Variants in PSD2 observed in about 807,000 individuals in gnomAD.
PSD2 encodes the protein PH and SEC7 domain-containing protein 2.
Under a neutral mutation model 69.8 loss-of-function variants are expected in PSD2, and 38 were observed. The ratio of observed to expected loss-of-function variants is 0.54; its 90% CI spans 0.42 to 0.71. PSD2 has a LOEUF of 0.71. PSD2 is among the 30% of genes least tolerant of loss of function. The probability of loss-of-function intolerance (pLI) is 0.00; values close to 1 mark genes in which losing one functional copy is unlikely to be tolerated. For synonymous variants in PSD2, 412 were observed against 423.0 expected, an observed-to-expected ratio of 0.97 and a Z score of 0.32; for missense variants, 943 against 1,014.5, an observed-to-expected ratio of 0.93 and a Z score of 0.96.
chr5:139,790,387 A>C, the PSD2 span, among the ~76,000 whole-genome samples: 1 of 151,994 alleles, frequency 6.6e-6, no homozygotes, highest in Non-Finnish European at 1.5e-5. Context: ...GGAGAATCAC[A>C]CACCGAGAAG....
At chr5:139,763,587 C>T in the PSD2 span, among the ~76,000 whole-genome samples, 7 of 152,350 alleles carry the variant, frequency 4.6e-5, no homozygotes, top group East Asian at 1.3e-3. Context: ...GCCAGCCCCT[C>T]ACCCCCAGGG....
the PSD2 span, among the ~76,000 whole-genome samples, chr5:139,789,944 G>A: frequency 2.0e-5 from 3 of 152,202 alleles, no homozygotes; most frequent in Admixed American, 6.5e-5. Flanking sequence ...AGGGGTGGGC[G>A]GTGCGGATAC....
the PSD2 span, among the ~76,000 whole-genome samples, chr5:139,764,657 C>T: frequency 6.6e-6 from 1 of 152,284 alleles, no homozygotes; most frequent in African/African-American, 2.4e-5. Context: ...CAGCCCCTCC[C>T]GGCCCAGCAG....
In PSD2 at chr5:139,837,314, G is replaced by C. The variant is rs1053538977; in HGVS notation, c.1665+76G>C. On this transcript the variant is annotated intron_variant, in intron 11 of 14. Transcript: ENST00000274710. The surrounding 1 kb of genome is among the most constrained non-coding windows in gnomAD (Gnocchi z 5.0). Reference sequence around the variant, plus strand: ...TCCCGCCCTGGCCTTGTGGCACCCCGAAGCCCCAGGCAGGACCTGGGGCTC... The same window carrying C: ...TCCCGCCCTGGCCTTGTGGCACCCCCAAGCCCCAGGCAGGACCTGGGGCTC... 2.4e-6 allele frequency: 3 copies of C among 1,252,446 alleles called. No homozygotes were observed. The highest frequency in any genetic ancestry group is 6.9e-5 in the African/African-American group (2 of 29,164). 77.6% of individuals were successfully genotyped at this position (1,252,446 alleles called of 1,614,324 possible). A position where few individuals can be genotyped will look rare whatever the true frequency, so the allele number is the denominator to read the frequency against.
At chr5:139,835,527 C>A (rs1760694290) in intron 8 of PSD2, among the ~76,000 whole-genome samples, 196 bp from the exon 9 acceptor site, 1 of 152,184 alleles carries the variant, frequency 6.6e-6, no homozygotes. Context: ...TAAGTGATCA[C>A]ATAATTAAAT....
chr5:139,762,561 C>A, the PSD2 span, among the ~76,000 whole-genome samples: 1 of 152,198 alleles, frequency 6.6e-6, no homozygotes, highest in Non-Finnish European at 1.5e-5. Context: ...CCATGCTGAG[C>A]GCTCAATAAT....
chr5:139,820,181 C>T (rs192734957), intron 5 of PSD2, among the ~76,000 whole-genome samples: 18 of 152,054 alleles, frequency 1.2e-4, no homozygotes, highest in East Asian at 3.9e-4. Context: ...TTGGTGGTGG[C>T]GGCACGGGGT....
the PSD2 span, among the ~76,000 whole-genome samples, chr5:139,749,058 C>T: frequency 6.6e-6 from 1 of 152,094 alleles, no homozygotes; most frequent in Non-Finnish European, 1.5e-5. Flanking sequence ...CTTCGTCTCC[C>T]CAGGGTAAGT....
intron 2 of PSD2, among the ~76,000 whole-genome samples, chr5:139,810,832 C>T (rs140687085): frequency 1.4e-3 from 213 of 152,114 alleles, no homozygotes; most frequent in Admixed American, 5.2e-3. Context: ...TAGAGCACAC[C>T]GTATTGAGGT....
At chr5:139,833,022 C>A (rs151033147) in intron 7 of PSD2, among the ~76,000 whole-genome samples, 2 of 152,196 alleles carry the variant, frequency 1.3e-5, no homozygotes, top group Non-Finnish European at 2.9e-5. Context: ...ACTTGTGTGT[C>A]CATGGCAATT....
the PSD2 span, among the ~76,000 whole-genome samples, chr5:139,765,938 G>A: frequency 8.5e-5 from 13 of 152,350 alleles, no homozygotes; most frequent in African/African-American, 2.6e-4. Context: ...CTGGCCCGGG[G>A]TGGTGCGTTC....
intron 7 of PSD2, among the ~76,000 whole-genome samples, chr5:139,823,663 C>T (rs1242581566): frequency 1.3e-5 from 2 of 152,210 alleles, no homozygotes; most frequent in African/African-American, 4.8e-5. Context: ...GAATAATGAT[C>T]TCCCTGCGGT....
chr5:139,780,782 C>A, the PSD2 span, among the ~76,000 whole-genome samples: 1 of 152,162 alleles, frequency 6.6e-6, no homozygotes, highest in Non-Finnish European at 1.5e-5. Context: ...TGAATTCGGC[C>A]TCCAGCCAGT....
the PSD2 span, among the ~76,000 whole-genome samples, chr5:139,754,276 T>A: frequency 6.6e-6 from 1 of 151,598 alleles, no homozygotes; most frequent in Admixed American, 6.6e-5. Flanking sequence ...CAAAAAATTT[T>A]AAAAATTTAG....
At chr5:139,803,387 G>T (rs554104875) in intron 1 of PSD2, among the ~76,000 whole-genome samples, 1 of 152,252 alleles carries the variant, frequency 6.6e-6, no homozygotes, top group Non-Finnish European at 1.5e-5. Flanking sequence ...ACCCCTGGGG[G>T]TAGCCAGCTT....
At chr5:139,793,186 A>G (rs1445240384), upstream of PSD2, among the ~76,000 whole-genome samples, 1 of 152,096 alleles carries the variant, frequency 6.6e-6, no homozygotes, top group Non-Finnish European at 1.5e-5. Flanking sequence ...CAAGTGATCC[A>G]ACCCACTTTG....
rs1170945628 is a variant in PSD2, at chr5:139,809,596, C to T, written c.156C>T (p.Gly52=). ...SLCSPGHERR[G]TPADTEEPTK... ...GCAGCCCAGGGCACGAGCGAAGGGG[C>T]ACCCCAGCGGACACTGAGGAACCCA... Residue 52 remains glycine, a synonymous_variant, in exon 2 of 15, where the codon GGC becomes GGT. Transcript: ENST00000274710. The T allele has an allele frequency of 6.2e-7, 1 of 1,614,142 alleles. No homozygotes were observed. The highest frequency in any genetic ancestry group is 2.2e-5 in the East Asian group (1 of 44,898).
chr5:139,761,008 A>G, the PSD2 span, among the ~76,000 whole-genome samples: 23 of 152,172 alleles, frequency 1.5e-4, no homozygotes, highest in Non-Finnish European at 3.2e-4. Flanking sequence ...TAATAAAAAT[A>G]AATACACAAA....
At chr5:139,771,545 AT>A in the PSD2 span, among the ~76,000 whole-genome samples, 1 of 151,892 alleles carries the variant, frequency 6.6e-6, no homozygotes, top group Non-Finnish European at 1.5e-5. Context: ...CGCCCGGCTA[AT>A]TTTTTGTATT....
Sources: gnomAD v4.1 joint callset for allele counts (sites outside exome capture counted in the v4.1 genomes callset) on GRCh38, gnomAD v4.1.1 for gene constraint, Gnocchi (gnomAD v3.1) non-coding constraint, MANE v1.5 for transcripts, NCBI Gene and HGNC (gene_info 2026-07-23, HGNC 2026-07-21) for gene names.